Variants in CSMD2 observed in about 807,000 individuals in gnomAD.
CSMD2 encodes the protein CUB and Sushi multiple domains 2.
Under a neutral mutation model 398.5 loss-of-function variants are expected in CSMD2, and 130 were observed. The observed-to-expected ratio is 0.33, with a 90% CI of 0.28 to 0.38. The LOEUF (loss-of-function observed/expected upper bound fraction) is 0.38, where lower values mean the gene tolerates loss of function less well. CSMD2 is among the 10% of genes least tolerant of loss of function. The pLI, the probability that CSMD2 is intolerant of heterozygous loss-of-function variation, is 1.00. For synonymous variants in CSMD2, 1,828 were observed against 1,908.5 expected (o/e 0.96, Z 1.10); for missense variants, 3,829 against 4,764.9 (o/e 0.80, Z 5.78).
intron 3 of CSMD2, among the ~76,000 whole-genome samples, chr1:34,027,485 C>T (rs1384340054): frequency 6.6e-6 from 1 of 152,208 alleles, no homozygotes; most frequent in Non-Finnish European, 1.5e-5. Context: ...GGAAAATCTA[C>T]ATACTCTTTG....
At chr1:33,841,286 T>A (rs1660824048) in intron 6 of CSMD2, among the ~76,000 whole-genome samples, 1 of 152,200 alleles carries the variant, frequency 6.6e-6, no homozygotes, top group Admixed American at 6.5e-5. Context: ...AGGCACCAGC[T>A]CTTTCTCACT....
At chr1:33,720,381 GGGA>G (rs1182621605) in intron 19 of CSMD2, among the ~76,000 whole-genome samples, 1 of 152,178 alleles carries the variant, frequency 6.6e-6, no homozygotes, top group African/African-American at 2.4e-5. Context: ...GGGAGCCCAG[GGGA>G]GAAGAGCCCA....
intron 20 of CSMD2, among the ~76,000 whole-genome samples, chr1:33,715,368 G>A (rs1646133045): frequency 6.6e-6 from 1 of 152,238 alleles, no homozygotes; most frequent in Non-Finnish European, 1.5e-5. Context: ...AGCATGACCA[G>A]GGGCATTTAT....
At chr1:33,759,887 A>G (rs1649593141) in intron 13 of CSMD2, among the ~76,000 whole-genome samples, 1 of 152,216 alleles carries the variant, frequency 6.6e-6, no homozygotes, top group African/African-American at 2.4e-5. Context: ...CCAAGCAAAT[A>G]GGGATATATT....
At chr1:33,723,761 C>A (rs1041868457) in intron 19 of CSMD2, among the ~76,000 whole-genome samples, 3 of 152,156 alleles carry the variant, frequency 2.0e-5, no homozygotes, top group African/African-American at 7.2e-5. Context: ...ACAAGAAAAA[C>A]ATTTTCAGAG....
intron 10 of CSMD2, among the ~76,000 whole-genome samples, chr1:33,803,991 G>A (rs1283372459): frequency 6.6e-6 from 1 of 152,234 alleles, no homozygotes; most frequent in African/African-American, 2.4e-5. Flanking sequence ...GAAAGACGGG[G>A]TTTAAATCCC....
At chr1:33,819,647 C>T (rs1657876256) in intron 9 of CSMD2, 66 bp downstream of exon 9, 4 of 1,495,532 alleles carry the variant, frequency 2.7e-6, no homozygotes, top group Non-Finnish European at 3.7e-6. Context: ...GTGCTGGGAG[C>T]TGGGCTTCAG....
chr1:33,882,588 G>A (rs1641308855), intron 5 of CSMD2, among the ~76,000 whole-genome samples: 1 of 152,130 alleles, frequency 6.6e-6, no homozygotes, highest in Admixed American at 6.5e-5. Flanking sequence ...GGTTCAAGGA[G>A]GATTCCCCAT....
intron 9 of CSMD2, among the ~76,000 whole-genome samples, chr1:33,816,391 G>T (rs1043468071): frequency 6.6e-6 from 1 of 152,094 alleles, no homozygotes; most frequent in Non-Finnish European, 1.5e-5. Context: ...TATACCAGTG[G>T]TTTACAGTGT....
intron 3 of CSMD2, among the ~76,000 whole-genome samples, chr1:33,953,998 G>A (rs1415809383): frequency 2.0e-5 from 3 of 151,940 alleles, no homozygotes; most frequent in South Asian, 2.1e-4. Flanking sequence ...ATGGTACCTC[G>A]AGCAAGTCCT....
At chr1:33,820,666 C>T (rs1658034610) in intron 7 of CSMD2, 110 bp from the exon 8 acceptor site, 11 of 725,896 alleles carry the variant, frequency 1.5e-5, no homozygotes, top group Non-Finnish European at 2.6e-5. Context: ...GAGGCAGAGA[C>T]AGAATGAGGC....
At chr1:34,040,420 T>C (rs1651719446) in intron 2 of CSMD2, among the ~76,000 whole-genome samples, 1 of 152,206 alleles carries the variant, frequency 6.6e-6, no homozygotes, top group Non-Finnish European at 1.5e-5. Context: ...TTTTCTTTTC[T>C]TTTCTTTACT....
rs375904349 is a variant in CSMD2 at position 33,743,291 on chromosome 1, A to G, written c.2162T>C (p.Ile721Thr). The G allele has an allele frequency of 1.2e-6, 2 of 1,602,110 alleles. No homozygotes were observed. The highest frequency in any genetic ancestry group is 1.3e-5 in the African/African-American group (1 of 74,652). Residue 721 changes from isoleucine to threonine, a missense_variant, in exon 14 of 71, where the codon ATC becomes ACC. Around this residue, in one of 5 missense-constraint regions of CSMD2, gnomAD observed 2,001 missense variants for 2,567.1 expected, o/e 0.78. Transcript: ENST00000373381. ...GAGGGAGGACTCACTGGTAAAAGTGATGTTGAAGCCCCTCTTCCCTGTGGA... is the reference window on the plus strand; with the variant it reads ...GAGGGAGGACTCACTGGTAAAAGTGGTGTTGAAGCCCCTCTTCCCTGTGGA... Reference protein sequence around the residue: ...DHSTGKRGFNITFTTFRHNEC... With the variant: ...DHSTGKRGFNTTFTTFRHNEC...
intron 50 of CSMD2, 116 bp from the exon 51 acceptor site, chr1:33,571,842 A>T: frequency 4.0e-6 from 3 of 759,162 alleles, no homozygotes; most frequent in South Asian, 5.7e-5. Context: ...GAATCCAGGA[A>T]TCTTCAGTTC....
intron 6 of CSMD2, among the ~76,000 whole-genome samples, chr1:33,827,308 A>T (rs1253230875): frequency 2.0e-5 from 3 of 151,814 alleles, no homozygotes; most frequent in African/African-American, 7.3e-5. Flanking sequence ...TCTCCCCATG[A>T]CCTCTCTGAC....
intron 37 of CSMD2, among the ~76,000 whole-genome samples, chr1:33,618,844 A>T (rs991337539): frequency 6.6e-6 from 1 of 151,994 alleles, no homozygotes; most frequent in Non-Finnish European, 1.5e-5. Context: ...ATTCAGACCA[A>T]GCCCAGTCTG....
intron 3 of CSMD2, among the ~76,000 whole-genome samples, chr1:33,972,036 C>T (rs893303874): frequency 1.3e-5 from 2 of 152,140 alleles, no homozygotes; most frequent in African/African-American, 4.8e-5. Context: ...GAAAGCATTG[C>T]TAACATTCAC....
At chr1:33,625,342 G>A (rs1427751952) in intron 33 of CSMD2, 88 bp from the exon 34 acceptor site, 8 of 1,267,904 alleles carry the variant, frequency 6.3e-6, no homozygotes, top group South Asian at 1.3e-5. Flanking sequence ...AACAAAGACC[G>A]TCTGGATGAA....
chr1:33,638,851 C>G (rs1642951858), intron 29 of CSMD2, among the ~76,000 whole-genome samples: 1 of 152,226 alleles, frequency 6.6e-6, no homozygotes, highest in South Asian at 2.1e-4. Flanking sequence ...CTATATTTCT[C>G]TCCACTGCAG....
Sources: gnomAD v4.1 joint callset for allele counts (sites outside exome capture counted in the v4.1 genomes callset) on GRCh38, gnomAD v4.1.1 for gene constraint, gnomAD v4.1.1 regional missense constraint, MANE v1.5 for transcripts, NCBI Gene and HGNC (gene_info 2026-07-23, HGNC 2026-07-21) for gene names.